Variants in TRDN observed in about 807,000 individuals in gnomAD.
TRDN encodes triadin in skeletal muscle.
TRDN carries 161 observed loss-of-function variants against 149.7 expected under a neutral mutation model. The observed-to-expected ratio is 1.08, with a 90% CI of 0.95 to 1.23. The LOEUF (loss-of-function observed/expected upper bound fraction) is 1.23. TRDN is among the 50% of genes most tolerant of loss of function. The pLI is 0.00. For missense variants in TRDN, 896 were observed against 823.5 expected (o/e 1.09, Z -1.08); for synonymous variants, 294 against 250.5 (o/e 1.17, Z -1.64).
intron 33 of TRDN, among the ~76,000 whole-genome samples, chr6:123,263,967 C>G (rs114809488): frequency 6.6e-6 from 1 of 151,994 alleles, no homozygotes; most frequent in Non-Finnish European, 1.5e-5. Context: ...AAAAAAGACT[C>G]CTTTCAAATA....
chr6:123,389,976 A>G (rs1782046411), intron 13 of TRDN, among the ~76,000 whole-genome samples: 1 of 152,190 alleles, frequency 6.6e-6, no homozygotes, highest in East Asian at 1.9e-4. Context: ...TTGATTCTTT[A>G]CATTGAAAAT....
At chr6:123,219,130 G>A (rs1435493281) in intron 40 of TRDN, among the ~76,000 whole-genome samples, 2 of 151,850 alleles carry the variant, frequency 1.3e-5, no homozygotes, top group Non-Finnish European at 2.9e-5. Flanking sequence ...TTATCAATAT[G>A]CAAAGCAACA....
Position 123,259,506 on chromosome 6 carries a change from A to G in TRDN, c.1870+118T>C, listed in dbSNP as rs917125706. The G allele has an allele frequency of 5.8e-5, 39 of 675,742 alleles. 1 individual carries two copies. Among genetic ancestry groups the G allele is most frequent in the Non-Finnish European group, 9.4e-5 (37 of 391,772 alleles). 41.9% of individuals were successfully genotyped at this position (675,742 alleles called of 1,614,324 possible). A position where few individuals can be genotyped will look rare whatever the true frequency, so the allele number is the denominator to read the frequency against. ...ACTATAATTATGATATGTGCTATAA[A>G]ATCAGTGTCTTCATTTTCATCAACT... On this transcript the variant is annotated intron_variant, in intron 35 of 40. Transcript: ENST00000334268.
chr6:123,365,426 A>T (rs1177044421), intron 20 of TRDN, among the ~76,000 whole-genome samples: 2 of 152,166 alleles, frequency 1.3e-5, no homozygotes, highest in African/African-American at 4.8e-5. Context: ...GGGATTGAGT[A>T]TGTGAATATG....
intron 12 of TRDN, among the ~76,000 whole-genome samples, chr6:123,402,746 T>A (rs557137303): frequency 1.3e-5 from 2 of 152,218 alleles, no homozygotes; most frequent in African/African-American, 4.8e-5. Context: ...TGTAAGGTGA[T>A]AATACCTTAG....
chr6:123,256,577 C>T, intron 35 of TRDN, among the ~76,000 whole-genome samples: 1 of 151,988 alleles, frequency 6.6e-6, no homozygotes, highest in South Asian at 2.1e-4. Context: ...TCTCTAGTGA[C>T]TGGTGATGAT....
At chr6:123,242,236 T>A (rs1490646040) in intron 38 of TRDN, among the ~76,000 whole-genome samples, 1 of 152,182 alleles carries the variant, frequency 6.6e-6, no homozygotes, top group Non-Finnish European at 1.5e-5. Context: ...AAATAATATT[T>A]TAGGATGTAT....
intron 8 of TRDN, chr6:123,498,445 A>G (rs981143560): frequency 2.0e-5 from 8 of 401,660 alleles, no homozygotes; most frequent in Admixed American, 8.9e-5. Context: ...TTTTTCATTA[A>G]TACCTAAATA....
chr6:123,386,308 T>C (rs1404081335), intron 14 of TRDN, among the ~76,000 whole-genome samples: 2 of 152,116 alleles, frequency 1.3e-5, no homozygotes, highest in East Asian at 3.9e-4. Context: ...GGAAAATGTA[T>C]GAATGTTCAT....
chr6:123,616,116 C>T (rs986234296), intron 1 of TRDN, among the ~76,000 whole-genome samples: 15 of 151,946 alleles, frequency 9.9e-5, no homozygotes, highest in African/African-American at 3.1e-4. Context: ...TTTGGTATGC[C>T]GAGGCAGGAG....
intron 12 of TRDN, among the ~76,000 whole-genome samples, chr6:123,424,931 G>A (rs577871453): frequency 6.6e-6 from 1 of 152,142 alleles, no homozygotes; most frequent in South Asian, 2.1e-4. Flanking sequence ...AAGAAAAAAC[G>A]TTCTCATTTT....
At chr6:123,302,335 T>A (rs992078810) in intron 24 of TRDN, among the ~76,000 whole-genome samples, 3 of 152,144 alleles carry the variant, frequency 2.0e-5, no homozygotes, top group Non-Finnish European at 4.4e-5. Flanking sequence ...TTGATATACA[T>A]GTTCTTCTAG....
At chr6:123,402,772 A>G (rs1268850083) in intron 12 of TRDN, among the ~76,000 whole-genome samples, 1 of 152,170 alleles carries the variant, frequency 6.6e-6, no homozygotes, top group Non-Finnish European at 1.5e-5. Flanking sequence ...GCAAATGTTA[A>G]TGGAAATGGA....
chr6:123,339,216 G>C (rs997980013), intron 21 of TRDN, among the ~76,000 whole-genome samples: 1 of 151,892 alleles, frequency 6.6e-6, no homozygotes, highest in Non-Finnish European at 1.5e-5. Flanking sequence ...TACTAGCCAG[G>C]CTGGTCTCGA....
intron 38 of TRDN, among the ~76,000 whole-genome samples, chr6:123,232,557 T>G (rs1473272939): frequency 6.6e-6 from 1 of 151,802 alleles, no homozygotes; most frequent in Admixed American, 6.6e-5. Flanking sequence ...CAAAGGAATA[T>G]TTGTAGGCAG....
intron 10 of TRDN, among the ~76,000 whole-genome samples, chr6:123,460,549 G>A (rs767583339): frequency 2.0e-5 from 3 of 151,928 alleles, no homozygotes; most frequent in African/African-American, 7.2e-5. Flanking sequence ...ACAAAACAAA[G>A]AAAAATATTA....
At chr6:123,347,781 C>T (rs866444581) in intron 21 of TRDN, among the ~76,000 whole-genome samples, 12 of 151,934 alleles carry the variant, frequency 7.9e-5, no homozygotes, top group Non-Finnish European at 1.5e-4. Context: ...TAGCTTAATA[C>T]AATAATATTT....
At chr6:123,300,509 T>C (rs1028467220) in intron 24 of TRDN, among the ~76,000 whole-genome samples, 1 of 151,954 alleles carries the variant, frequency 6.6e-6, no homozygotes, top group African/African-American at 2.4e-5. Flanking sequence ...AGAGAATGAA[T>C]TTCTCTGAGA....
chr6:123,594,420 A>C (rs1274454103), intron 1 of TRDN, among the ~76,000 whole-genome samples: 1 of 152,062 alleles, frequency 6.6e-6, no homozygotes, highest in Non-Finnish European at 1.5e-5. Flanking sequence ...TGAAGGATAG[A>C]GCTTTCAGAG....
Sources: allele counts gnomAD v4.1 joint callset (sites outside exome capture counted in the v4.1 genomes callset), GRCh38; gene constraint gnomAD v4.1.1; transcripts MANE v1.5; gene names NCBI Gene and HGNC (gene_info 2026-07-23, HGNC 2026-07-21).